The following SUSD2 variants were observed in gnomAD, a reference collection of about 807,000 sequenced individuals.
SUSD2 encodes the protein sushi domain containing 2, also known as sushi domain-containing protein 2.
In SUSD2, 86 loss-of-function variants were observed where a neutral mutation model predicts 93.8. The observed-to-expected ratio is 0.92, with a 90% CI of 0.77 to 1.10. The LOEUF (loss-of-function observed/expected upper bound fraction) is 1.10. Among genes scored for constraint, SUSD2 ranks in the 50% least tolerant of loss-of-function variants. The probability of loss-of-function intolerance (pLI) is 0.00; values close to 1 mark genes in which losing one functional copy is unlikely to be tolerated. For missense variants in SUSD2, 1,060 were observed against 1,137.0 expected, an observed-to-expected ratio of 0.93 and a Z score of 0.97; for synonymous variants, 483 against 485.0, an observed-to-expected ratio of 1.00 and a Z score of 0.05.
At position 24,188,203 on chromosome 22, in the gene SUSD2, C is replaced by A; in HGVS notation, c.2342-22C>A. ...CTCACCACCCCAGAGAGCCCCCTCA[C>A]TGACACTCGCTCCCTCACCAGGACG... On this transcript the variant is annotated intron_variant, in intron 13 of 14. Coordinates refer to ENST00000358321, the MANE Select transcript of SUSD2 (RefSeq NM_019601.4). This position sits in a 1 kb window ranked among gnomAD's most constrained non-coding sequence, Gnocchi z 4.7. 6.3e-7 allele frequency: 1 copy of A among 1,589,654 alleles called. No homozygotes were observed. The highest frequency in any genetic ancestry group is 1.1e-5 in the South Asian group (1 of 88,158).
At chr22:24,185,436 G>A (rs2047355322) in intron 6 of SUSD2, 50 bp from the exon 7 acceptor site, 2 of 1,545,762 alleles carry the variant, frequency 1.3e-6, no homozygotes, top group African/African-American at 1.4e-5. Flanking sequence ...CTCAGGGAGG[G>A]GATGACAGAA....
Position 24,181,519 on chromosome 22 carries a change from C to G in SUSD2, c.-1C>G. 6.3e-7 allele frequency: 1 copy of G among 1,577,698 alleles called. No homozygotes were observed. The highest frequency in any genetic ancestry group is 8.6e-7 in the Non-Finnish European group (1 of 1,166,268). ...TGCTGGCTGCAGACACAGGCTGCAC[C>G]ATGAAGCCAGCCCTCCTGCCCTGGG... On this transcript the variant is annotated 5_prime_UTR_variant, in exon 1 of 15. Coordinates refer to ENST00000358321, the MANE Select transcript of SUSD2 (RefSeq NM_019601.4).
rs1220254600 is a variant in SUSD2, at chr22:24,183,661, C to G, written c.439+15C>G. On this transcript the variant is annotated intron_variant, in intron 3 of 14. Transcript: ENST00000358321. Reference sequence around the variant, plus strand: ...CTGGCTGGCTGGTGAGCCCTCCTCCCTGCCCACAGCCTGCCCCCACGGGGA... The same window carrying G: ...CTGGCTGGCTGGTGAGCCCTCCTCCGTGCCCACAGCCTGCCCCCACGGGGA... The G allele has an allele frequency of 6.2e-7, 1 of 1,607,234 alleles. No individual in the cohort carries two copies. Among genetic ancestry groups the G allele is most frequent in the Non-Finnish European group, 8.5e-7 (1 of 1,179,092 alleles).
In SUSD2 at chr22:24,185,961, A is replaced by T. The variant is rs778475579; in HGVS notation, c.1339+32A>T. On this transcript the variant is annotated intron_variant, in intron 8 of 14. Coordinates refer to ENST00000358321, the MANE Select transcript of SUSD2 (RefSeq NM_019601.4). ...GCCATCCCGTGCCCCAGACCCTGGGAAAGATCGGGCTGGGCTGGGGTGCAC... is the reference window on the plus strand; with the variant it reads ...GCCATCCCGTGCCCCAGACCCTGGGTAAGATCGGGCTGGGCTGGGGTGCAC... 9 of 1,573,938 alleles carry T rather than the reference A, an allele frequency of 5.7e-6. No individual in the cohort carries two copies. In the South Asian group the frequency reaches 1.1e-4, roughly 18 times the overall value.
At position 24,185,527 on chromosome 22, in the gene SUSD2, C is replaced by T. The variant is rs775937966; in HGVS notation, c.1026C>T (p.Thr342=). The T allele has an allele frequency of 4.4e-6, 7 of 1,580,746 alleles. No individual in the cohort carries two copies. In the Admixed American group the frequency reaches 9.1e-5, roughly 21 times the overall value. The part of the protein sequence containing the change: ...GCDMEQGSVC[T]YHPGAVHCVR... ...ACATGGAGCAGGGCAGCGTGTGCAC[C>T]TACCACCCCGGGGCCGTGCACTGTG... The change falls in exon 7 of 15, where the codon ACC becomes ACT. Residue 342 remains threonine (T), a synonymous_variant. Transcript: ENST00000358321.
At chr22:24,182,312 C>T (rs572576982) in intron 1 of SUSD2, among the ~76,000 whole-genome samples, 5 of 152,288 alleles carry the variant, frequency 3.3e-5, no homozygotes, top group South Asian at 2.1e-4. Flanking sequence ...CCTTGCCCAC[C>T]GGTCTTATGG....
At chr22:24,186,442 CG>C (rs756515588) in intron 10 of SUSD2, 27 bp downstream of exon 10, 1 of 1,607,812 alleles carries the variant, frequency 6.2e-7, no homozygotes, top group Non-Finnish European at 8.5e-7. Context: ...CGCGAGGCTG[CG>C]GGCTGCCCTC....
In SUSD2 at chr22:24,183,361, C is replaced by A; in HGVS notation, c.287+94C>A. The A allele has an allele frequency of 1.7e-5, 26 of 1,540,506 alleles. No individual in the cohort carries two copies. The South Asian group carries it at 1.8e-4, about 11-fold the overall frequency. The stretch of plus-strand genomic sequence containing the variant: ...ACCCACTGACTGGCTGAGTGGAGCC[C>A]CTCGGACCCAGGACAGGCAGGAGGG... On this transcript the variant is annotated intron_variant, in intron 2 of 14. Coordinates refer to ENST00000358321, the MANE Select transcript of SUSD2 (RefSeq NM_019601.4).
chr22:24,183,882 C>A, intron 3 of SUSD2: 1 of 647,012 alleles, frequency 1.5e-6, no homozygotes. Flanking sequence ...TGGGCCAGTG[C>A]CTATCCACTG....
chr22:24,185,792 C>T lies in SUSD2; in HGVS notation c.1202C>T (p.Pro401Leu). 6.2e-7 allele frequency: 1 copy of T among 1,610,566 alleles called. No individual in the cohort carries two copies. The highest frequency in any genetic ancestry group is 1.1e-5 in the South Asian group (1 of 90,534). ...DWGAPPFRTP[P>L]RVPSMSHWLY... is the part of the protein sequence containing the mutation. ...GGCGCACCCCCGTTCCGCACGCCAC[C>T]CCGAGTGCCCAGCATGTCCCACTGG... Residue 401 changes from proline to leucine, a missense_variant, in exon 8 of 15, where the codon CCC becomes CTC. Around this residue, in one of 2 missense-constraint regions of SUSD2, gnomAD observed 973 missense variants for 1,005.3 expected, o/e 0.97. Coordinates refer to ENST00000358321, the MANE Select transcript of SUSD2 (RefSeq NM_019601.4).
At chr22:24,184,391 G>A in intron 4 of SUSD2, 88 bp downstream of exon 4, 3 of 1,421,314 alleles carry the variant, frequency 2.1e-6, no homozygotes, top group Non-Finnish European at 2.9e-6. Flanking sequence ...GGAGGAGGAA[G>A]GGAGTTTCCA....
intron 1 of SUSD2, 107 bp from the exon 2 acceptor site, chr22:24,182,950 G>A: frequency 1.1e-6 from 1 of 906,210 alleles, no homozygotes; most frequent in Non-Finnish European, 1.7e-6. Context: ...CGTTCTCCTG[G>A]GGATGCTGCT....
Position 24,185,550 on chromosome 22 carries a change from G to T in SUSD2, c.1049G>T (p.Cys350Phe). The T allele has an allele frequency of 1.3e-6, 2 of 1,589,232 alleles. No homozygotes were observed. The highest frequency in any genetic ancestry group is 1.7e-6 in the Non-Finnish European group (2 of 1,168,040). ...ACCTACCACCCCGGGGCCGTGCACTGTGTGCGTTCTGTGCAGGCCAGGTGA... is the reference window on the plus strand; with the variant it reads ...ACCTACCACCCCGGGGCCGTGCACTTTGTGCGTTCTGTGCAGGCCAGGTGA... The part of the protein sequence containing the change: ...VCTYHPGAVH[C>F]VRSVQASLRY... The change falls in exon 7 of 15, where the codon TGT becomes TTT. Residue 350 changes from cysteine (C) to phenylalanine (F), a missense_variant. Transcript: ENST00000358321.
At chr22:24,184,036 G>A (rs891678928) in intron 3 of SUSD2, 100 bp from the exon 4 acceptor site, 3 of 1,154,344 alleles carry the variant, frequency 2.6e-6, no homozygotes, top group Non-Finnish European at 3.8e-6. Flanking sequence ...CTGCTGCCAT[G>A]CATTGGCCCT....
rs747264074 is a variant in SUSD2 at position 24,186,148 on chromosome 22, C to T, written c.1472C>T (p.Thr491Met). Residue 491 changes from threonine (T) to methionine (M), a missense_variant, in exon 9 of 15, where the codon ACG becomes ATG. By Grantham distance (81) the Thr-to-Met change is moderately conservative. Transcript: ENST00000358321. ...LRVQARAQPGTMSNGTETRGT... is the reference protein window; with the variant it reads ...LRVQARAQPGMMSNGTETRGT... ...GTGCAGGCGCGGGCCCAGCCCGGGA[C>T]GATGTCCAACGGTGAGGCCAGGGCT... 18 of 1,609,004 alleles carry T rather than the reference C, an allele frequency of 1.1e-5. No individual in the cohort carries two copies. The highest frequency in any genetic ancestry group is 3.4e-5 in the Admixed American group (2 of 59,636).
intron 10 of SUSD2, chr22:24,186,860 G>A: frequency 2.3e-6 from 1 of 444,136 alleles, no homozygotes; most frequent in Non-Finnish European, 4.1e-6. Context: ...GGATGGGTGA[G>A]GACCTGGGAG....
Position 24,185,173 on chromosome 22 carries a change from TG to T in SUSD2, c.865del (p.Ala289HisfsTer29). 1 of 1,612,426 alleles carries T rather than the reference TG, an allele frequency of 6.2e-7. No homozygotes were observed. Among genetic ancestry groups the T allele is most frequent in the Non-Finnish European group, 8.5e-7 (1 of 1,179,788 alleles). The stretch of plus-strand genomic sequence containing the variant: ...TGACTTCCGAGAGGACCCTGTGGCC[TG>T]GGCACGAACTCAGTGCCAGGCCTGG... ...SDDFREDPVA[W>X]ARTQCQAWEE... On this transcript the variant is annotated frameshift_variant, in exon 6 of 15. Coordinates refer to ENST00000358321, the MANE Select transcript of SUSD2 (RefSeq NM_019601.4). LOFTEE classifies it high-confidence loss of function.
chr22:24,182,646 G>A lies in SUSD2; in HGVS notation c.77-411G>A, dbSNP rs527508338. The stretch of plus-strand genomic sequence containing the variant: ...AGGCTTCAGGGCCCCCAGAAGGCGT[G>A]CTGACCACAGACACCCTGGGGAGCC... On this transcript the variant is annotated intron_variant, in intron 1 of 14. Transcript: ENST00000358321. 2.7e-3 allele frequency: 535 copies of A among 199,726 alleles called. 1 individual carries two copies. Among genetic ancestry groups the A allele is most frequent in the African/African-American group, 0.011 (460 of 43,016 alleles). The allele number at this position is 199,726 out of a possible 1,614,324, so 12.4% of individuals were successfully genotyped here. A position where few individuals can be genotyped will look rare whatever the true frequency, so the allele number is the denominator to read the frequency against.
intron 11 of SUSD2, 33 bp from the exon 12 acceptor site, chr22:24,187,538 T>C (rs758937768): frequency 1.9e-6 from 3 of 1,602,772 alleles, no homozygotes; most frequent in Non-Finnish European, 1.7e-6. Context: ...AAGGGAGCCA[T>C]GCCCAGCCAG....
Sources: gnomAD v4.1 joint callset for allele counts (sites outside exome capture counted in the v4.1 genomes callset) on GRCh38, gnomAD v4.1.1 for gene constraint, gnomAD v4.1.1 regional missense constraint, Gnocchi (gnomAD v3.1) non-coding constraint, MANE v1.5 for transcripts, NCBI Gene and HGNC (gene_info 2026-07-23, HGNC 2026-07-21) for gene names.